LRP1B: variants seen among roughly 807,000 people sequenced by gnomAD.
The protein encoded by LRP1B is low-density lipoprotein receptor-related protein 1B.
LRP1B carries 217 observed loss-of-function variants against 556.6 expected under a neutral mutation model. The observed-to-expected ratio is 0.39, with a 90% CI of 0.35 to 0.44. The LOEUF (loss-of-function observed/expected upper bound fraction) is 0.44, where lower values mean the gene tolerates loss of function less well. Ranked by LOEUF, LRP1B falls within the 20% of genes least tolerant of loss-of-function variation. The pLI is 1.00. For synonymous variants in LRP1B, 2,047 were observed against 1,865.8 expected (o/e 1.10, Z -2.50); for missense variants, 5,053 against 5,620.8 (o/e 0.90, Z 3.23).
intron 86 of LRP1B, among the ~76,000 whole-genome samples, chr2:140,267,958 G>T (rs1194336131): frequency 1.3e-5 from 2 of 151,674 alleles, no homozygotes. Flanking sequence ...AAAAATCAAC[G>T]TGGGCTGCTA....
intron 66 of LRP1B, among the ~76,000 whole-genome samples, chr2:140,403,682 C>T (rs1463212276): frequency 6.6e-6 from 1 of 151,996 alleles, no homozygotes; most frequent in Non-Finnish European, 1.5e-5. Context: ...AAAGAGAAGG[C>T]TAAAATTTGG....
chr2:141,926,576 C>A (rs1700338605), intron 1 of LRP1B, among the ~76,000 whole-genome samples: 1 of 152,154 alleles, frequency 6.6e-6, no homozygotes, highest in African/African-American at 2.4e-5. Context: ...CACCTTTCTA[C>A]ATACTTCATA....
At chr2:140,527,001 T>TTAA (rs142358753) in intron 47 of LRP1B, among the ~76,000 whole-genome samples, 3,956 of 151,994 alleles carry the variant, frequency 0.026, 70 homozygotes, top group Non-Finnish European at 0.043. Flanking sequence ...TCATTAATAT[T>TTAA]TAATATAATA....
At chr2:140,256,758 C>T (rs1034699535) in intron 86 of LRP1B, among the ~76,000 whole-genome samples, 7 of 151,536 alleles carry the variant, frequency 4.6e-5, no homozygotes, top group African/African-American at 7.3e-5. Context: ...TGAGCCACCG[C>T]GCCCAACCCT....
intron 37 of LRP1B, among the ~76,000 whole-genome samples, chr2:140,704,977 C>A (rs904573274): frequency 6.6e-6 from 1 of 151,914 alleles, no homozygotes; most frequent in Non-Finnish European, 1.5e-5. Context: ...TTGTAGCAAC[C>A]AACCTACTTA....
At chr2:142,030,350 T>C (rs984128286) in intron 1 of LRP1B, among the ~76,000 whole-genome samples, 10 of 151,916 alleles carry the variant, frequency 6.6e-5, no homozygotes, top group African/African-American at 1.9e-4. Context: ...GCTAAACATA[T>C]TGATGGTTGT....
rs1681198475 is a variant in LRP1B, at chr2:140,247,100, T to G, written c.13310A>C (p.Asp4437Ala). 1.2e-6 allele frequency: 2 copies of G among 1,608,856 alleles called. No homozygotes were observed. Among genetic ancestry groups the G allele is most frequent in the Non-Finnish European group, 1.7e-6 (2 of 1,176,432 alleles). ...ERPAPKSSKSDHISTRSIAII... is the reference protein window; with the variant it reads ...ERPAPKSSKSAHISTRSIAII... The stretch of plus-strand genomic sequence containing the variant: ...GAGAAACTTACTTGTGCTGATATGA[T>G]CAGACTTGCTGCTCTTTGGGGCTGG... The change falls in exon 87 of 91, where the codon GAT (aspartate) becomes GCT (alanine). Residue 4437 changes from aspartate to alanine, a missense_variant. Around this residue, in one of 5 missense-constraint regions of LRP1B, gnomAD observed 551 missense variants for 592.0 expected, o/e 0.93. Transcript: ENST00000389484.
intron 1 of LRP1B, among the ~76,000 whole-genome samples, chr2:142,051,284 A>G (rs376051014): frequency 1.3e-5 from 2 of 152,188 alleles, no homozygotes; most frequent in South Asian, 2.1e-4. Context: ...GGTAAGACTT[A>G]GTACATTTTA....
chr2:141,390,369 T>G (rs929882984), intron 3 of LRP1B, among the ~76,000 whole-genome samples: 3 of 152,304 alleles, frequency 2.0e-5, no homozygotes, highest in African/African-American at 7.2e-5. Flanking sequence ...ATGTTTCACC[T>G]GGAGTAAAAA....
At chr2:140,347,318 T>C (rs536333718) in intron 77 of LRP1B, among the ~76,000 whole-genome samples, 69 of 152,024 alleles carry the variant, frequency 4.5e-4, no homozygotes, top group African/African-American at 1.6e-3. Flanking sequence ...ATTCCTCTTG[T>C]ATAGCCCAGA....
chr2:140,997,475 G>A (rs1697280005), intron 15 of LRP1B, among the ~76,000 whole-genome samples: 1 of 151,746 alleles, frequency 6.6e-6, no homozygotes, highest in South Asian at 2.1e-4. Context: ...TTAATAACCT[G>A]TGGTGTGCAT....
chr2:141,467,370 G>C (rs1682272990), intron 3 of LRP1B, among the ~76,000 whole-genome samples: 1 of 152,006 alleles, frequency 6.6e-6, no homozygotes, highest in Non-Finnish European at 1.5e-5. Flanking sequence ...TATAGAATCT[G>C]TTAGAAGGAA....
intron 41 of LRP1B, among the ~76,000 whole-genome samples, chr2:140,606,348 G>T (rs1682868240): frequency 6.6e-6 from 1 of 151,822 alleles, no homozygotes; most frequent in African/African-American, 2.4e-5. Context: ...CCAAACTACA[G>T]CACATCATTG....
chr2:141,251,465 G>A (rs1448102176), intron 4 of LRP1B, among the ~76,000 whole-genome samples: 1 of 152,026 alleles, frequency 6.6e-6, no homozygotes, highest in Non-Finnish European at 1.5e-5. Flanking sequence ...GATATAAAGT[G>A]GATATTTGTT....
chr2:141,572,838 A>G (rs1686582816), intron 2 of LRP1B, among the ~76,000 whole-genome samples: 1 of 152,238 alleles, frequency 6.6e-6, no homozygotes, highest in South Asian at 2.1e-4. Context: ...TAAAGATCAA[A>G]AGAGACAAAA....
intron 2 of LRP1B, among the ~76,000 whole-genome samples, chr2:141,611,970 A>C (rs1026830789): frequency 6.6e-6 from 1 of 152,238 alleles, no homozygotes; most frequent in South Asian, 2.1e-4. Flanking sequence ...TTCTTTCAAA[A>C]TGTAGTTCAT....
At chr2:141,081,743 G>A (rs1470364317) in intron 7 of LRP1B, among the ~76,000 whole-genome samples, 2 of 152,072 alleles carry the variant, frequency 1.3e-5, no homozygotes, top group African/African-American at 4.8e-5. Context: ...ACTGCTAAGA[G>A]GCACAGTAGA....
At chr2:140,278,684 A>C (rs559372467) in intron 84 of LRP1B, among the ~76,000 whole-genome samples, 1 of 152,170 alleles carries the variant, frequency 6.6e-6, no homozygotes, top group East Asian at 1.9e-4. Context: ...ATTAGAATTT[A>C]CACTTTAATA....
At chr2:140,647,206 T>C (rs1463718676) in intron 41 of LRP1B, among the ~76,000 whole-genome samples, 1 of 152,138 alleles carries the variant, frequency 6.6e-6, no homozygotes, top group Non-Finnish European at 1.5e-5. Flanking sequence ...TAAAAAAACT[T>C]GAAATCTTAA....
Sources: gnomAD v4.1 joint callset for allele counts (sites outside exome capture counted in the v4.1 genomes callset) on GRCh38, gnomAD v4.1.1 for gene constraint, gnomAD v4.1.1 regional missense constraint, MANE v1.5 for transcripts, NCBI Gene and HGNC (gene_info 2026-07-23, HGNC 2026-07-21) for gene names.